The following SERPINI1 variants were observed in gnomAD, a reference collection of about 807,000 sequenced individuals.
The protein encoded by SERPINI1 is serpin family I member 1, also known as neuroserpin.
A neutral mutation model predicts 41.1 loss-of-function variants in SERPINI1; 19 were observed. That is an observed-to-expected ratio of 0.46 (90% confidence interval 0.32 to 0.68). The LOEUF (loss-of-function observed/expected upper bound fraction) is 0.68. Among genes scored for constraint, SERPINI1 ranks in the 30% least tolerant of loss-of-function variants. SERPINI1 has a pLI of 0.03. For synonymous variants in SERPINI1, 138 were observed against 156.6 expected (o/e 0.88, Z 0.89); for missense variants, 460 against 479.2 (o/e 0.96, Z 0.37).
intron 1 of SERPINI1, among the ~76,000 whole-genome samples, chr3:167,744,681 T>A (rs1725795692): frequency 1.1e-5 from 1 of 90,854 alleles, no homozygotes; most frequent in African/African-American, 6.6e-5. Flanking sequence ...TATATAAATA[T>A]ATATATAAAC....
chr3:167,772,823 A>ACTCACTCTCTCT (rs1307269527), intron 1 of SERPINI1, among the ~76,000 whole-genome samples: 1 of 23,640 alleles, frequency 4.2e-5, no homozygotes, highest in African/African-American at 1.5e-4. Context: ...GTATCTTGAG[A>ACTCACTCTCTCT]CTCTCTCTCT....
chr3:167,735,921 G>A (rs1039829278), intron 1 of SERPINI1, 98 bp downstream of exon 1: 3 of 152,162 alleles, frequency 2.0e-5, no homozygotes, highest in Admixed American at 6.5e-5. Flanking sequence ...GTCCGCGTTG[G>A]GTTAGGAAAC....
intron 1 of SERPINI1, among the ~76,000 whole-genome samples, 158 bp from the exon 2 acceptor site, chr3:167,788,953 G>A (rs1261854470): frequency 6.6e-6 from 1 of 152,146 alleles, no homozygotes. Context: ...GGGGACCATG[G>A]TATCTTGTTC....
rs115496162 is a variant in SERPINI1, at chr3:167,754,264, A to G, written c.-19+18441A>G. ...GAAATAGGGGAAGTGAAAATTCACC[A>G]ACCAATTGAACCACACATTACACAC... is the stretch of plus-strand genomic sequence containing the variant. On this transcript the variant is annotated intron_variant, in intron 1 of 8. Coordinates refer to ENST00000446050, the MANE Select transcript of SERPINI1 (RefSeq NM_001122752.2). 4.1e-3 allele frequency among the ~76,000 whole-genome samples: 618 copies of G among 152,336 alleles called. 2 individuals carry two copies. The highest frequency in any genetic ancestry group is 0.014 in the African/African-American group (588 of 41,580).
chr3:167,802,608 A>G (rs1380361817), intron 5 of SERPINI1, among the ~76,000 whole-genome samples: 4 of 150,964 alleles, frequency 2.6e-5, no homozygotes, highest in South Asian at 4.2e-4. Context: ...AATGGCAATC[A>G]TTAAAAAGTC....
chr3:167,818,323 C>A (rs536595948), intron 6 of SERPINI1, among the ~76,000 whole-genome samples: 1 of 152,042 alleles, frequency 6.6e-6, no homozygotes, highest in South Asian at 2.1e-4. Context: ...CCACCGCGCC[C>A]GGCCAAATAT....
intron 3 of SERPINI1, among the ~76,000 whole-genome samples, chr3:167,791,915 A>G (rs1240545090): frequency 6.6e-6 from 1 of 152,186 alleles, no homozygotes; most frequent in Non-Finnish European, 1.5e-5. Flanking sequence ...ACTTGAGGCT[A>G]GGAGTTTGTG....
rs1252522258 is a variant in SERPINI1 at position 167,792,754 on chromosome 3, A to G, written c.646A>G (p.Met216Val). The stretch of plus-strand genomic sequence containing the variant: ...TGATGAAAGTGAAGTCCAAATTCCA[A>G]TGATGTATCAGCAAGGAGAATTTTA... ...KDDESEVQIP[M>V]MYQQGEFYYG... The change falls in exon 4 of 9, where the codon ATG becomes GTG. Residue 216 changes from methionine to valine, a missense_variant. Coordinates refer to ENST00000446050, the MANE Select transcript of SERPINI1 (RefSeq NM_001122752.2). 6 of 1,613,792 alleles carry G rather than the reference A, an allele frequency of 3.7e-6. No individual in the cohort carries two copies. Among genetic ancestry groups the G allele is most frequent in the Non-Finnish European group, 4.2e-6 (5 of 1,179,832 alleles).
At chr3:167,767,904 G>GT (rs971325590) in intron 1 of SERPINI1, among the ~76,000 whole-genome samples, 3 of 152,084 alleles carry the variant, frequency 2.0e-5, no homozygotes, top group African/African-American at 7.2e-5. Flanking sequence ...CAAAGGAAGT[G>GT]TTTTTTTGGA....
chr3:167,770,403 T>A (rs1726710491), intron 1 of SERPINI1, among the ~76,000 whole-genome samples: 1 of 152,090 alleles, frequency 6.6e-6, no homozygotes, highest in Non-Finnish European at 1.5e-5. Flanking sequence ...AACCACTGAT[T>A]TGAAGTGCCA....
At chr3:167,790,741 A>G (rs1727478714) in intron 3 of SERPINI1, 139 bp downstream of exon 3, 1 of 672,854 alleles carries the variant, frequency 1.5e-6, no homozygotes, top group Admixed American at 2.5e-5. Context: ...TATTTTGTAT[A>G]GATTATGGCC....
chr3:167,799,552 A>G (rs1240959510), intron 5 of SERPINI1, among the ~76,000 whole-genome samples: 1 of 152,224 alleles, frequency 6.6e-6, no homozygotes, highest in East Asian at 1.9e-4. Flanking sequence ...CTTTGGGTAT[A>G]TACCCAGTAA....
chr3:167,764,407 G>A (rs1462595281), intron 1 of SERPINI1, among the ~76,000 whole-genome samples: 4 of 152,200 alleles, frequency 2.6e-5, no homozygotes. Context: ...GGCAGAGAGA[G>A]AGAGCTTGTG....
intron 1 of SERPINI1, among the ~76,000 whole-genome samples, chr3:167,739,445 T>C (rs1212494562): frequency 2.0e-5 from 3 of 152,208 alleles, no homozygotes; most frequent in Non-Finnish European, 4.4e-5. Context: ...TTTGCAAAAG[T>C]GTTGATTGAG....
chr3:167,766,028 C>T (rs527790770), intron 1 of SERPINI1, among the ~76,000 whole-genome samples: 1 of 152,222 alleles, frequency 6.6e-6, no homozygotes, highest in Admixed American at 6.5e-5. Flanking sequence ...TAGGAAGCTC[C>T]AAAATTTCCC....
Position 167,823,830 on chromosome 3 carries a change from T to C in SERPINI1, c.1067-643T>C, listed in dbSNP as rs549451810. 6.6e-5 allele frequency among the ~76,000 whole-genome samples: 10 copies of C among 152,338 alleles called. No homozygotes were observed. The East Asian group carries it at 1.9e-3, about 29-fold the overall frequency. Reference sequence around the variant, plus strand: ...CCTCAGGCATCAAGACAGCTTGAAATCTTACATGTAATCTGGACTTTCTTT... The same window carrying C: ...CCTCAGGCATCAAGACAGCTTGAAACCTTACATGTAATCTGGACTTTCTTT... On this transcript the variant is annotated intron_variant, in intron 7 of 8. Transcript: ENST00000446050.
At chr3:167,797,874 T>C (rs1727767614) in intron 5 of SERPINI1, among the ~76,000 whole-genome samples, 1 of 152,122 alleles carries the variant, frequency 6.6e-6, no homozygotes, top group African/African-American at 2.4e-5. Flanking sequence ...CCTAAAGTTA[T>C]AAAACATTTA....
chr3:167,775,541 CT>C (rs1416118087), intron 1 of SERPINI1, among the ~76,000 whole-genome samples: 2 of 152,006 alleles, frequency 1.3e-5, no homozygotes, highest in African/African-American at 4.8e-5. Context: ...TGGGGAGCAA[CT>C]TTATATCTGA....
intron 1 of SERPINI1, among the ~76,000 whole-genome samples, chr3:167,775,276 A>T (rs930742910): frequency 7.5e-6 from 1 of 133,620 alleles, no homozygotes; most frequent in Non-Finnish European, 1.6e-5. Context: ...TATTATTATT[A>T]TTTGAGACAG....
Sources: gnomAD v4.1 joint callset for allele counts (sites outside exome capture counted in the v4.1 genomes callset) on GRCh38, gnomAD v4.1.1 for gene constraint, MANE v1.5 for transcripts, NCBI Gene and HGNC (gene_info 2026-07-23, HGNC 2026-07-21) for gene names.